The following EPB41L5 variants were observed in gnomAD, a reference collection of about 807,000 sequenced individuals.
EPB41L5 encodes the protein band 4.1-like protein 5.
EPB41L5 carries 55 observed loss-of-function variants against 106.6 expected under a neutral mutation model. That is an observed-to-expected ratio of 0.52 (90% CI 0.42 to 0.65). EPB41L5 has a LOEUF of 0.65. Among genes scored for constraint, EPB41L5 ranks in the 30% least tolerant of loss-of-function variants. EPB41L5 has a pLI of 0.00. For synonymous variants in EPB41L5, 297 were observed against 306.7 expected (o/e 0.97, Z 0.33); for missense variants, 871 against 882.1 (o/e 0.99, Z 0.16).
chr2:120,153,326 C>T (rs952895411), intron 20 of EPB41L5, among the ~76,000 whole-genome samples: 1 of 151,900 alleles, frequency 6.6e-6, no homozygotes, highest in African/African-American at 2.4e-5. Context: ...TAATTTCATT[C>T]ATTATGGTAA....
intron 3 of EPB41L5, among the ~76,000 whole-genome samples, chr2:120,071,671 A>C (rs910190047): frequency 6.6e-6 from 1 of 152,210 alleles, no homozygotes; most frequent in African/African-American, 2.4e-5. Flanking sequence ...AAAAACAAGC[A>C]ATAGGGAAAG....
At chr2:120,170,249 A>G (rs1428000436) in intron 24 of EPB41L5, among the ~76,000 whole-genome samples, 1 of 152,272 alleles carries the variant, frequency 6.6e-6, no homozygotes, top group African/African-American at 2.4e-5. Context: ...ACTTCTGTGC[A>G]ACAACTTACC....
At chr2:120,084,276 C>T (rs959517013) in intron 10 of EPB41L5, among the ~76,000 whole-genome samples, 2 of 152,264 alleles carry the variant, frequency 1.3e-5, no homozygotes, top group African/African-American at 4.8e-5. Flanking sequence ...TTGTTCCTTT[C>T]CGTGTTTAGT....
At chr2:120,139,711 C>T (rs1686087515) in intron 18 of EPB41L5, among the ~76,000 whole-genome samples, 3 of 151,930 alleles carry the variant, frequency 2.0e-5, no homozygotes, top group Non-Finnish European at 4.4e-5. Context: ...GAGAAAGGAA[C>T]CCTTGTACAC....
chr2:120,058,243 T>A lies in EPB41L5; in HGVS notation c.286-14935T>A, dbSNP rs1191107582. On this transcript the variant is annotated intron_variant, in intron 3 of 24. Transcript: ENST00000263713. ...TGTGTCTGCCCAGGCTGGAGTGCAG[T>A]GGCATGATCAGAGCTCACTGTAGCC... 2.0e-5 allele frequency among the ~76,000 whole-genome samples: 3 copies of A among 152,154 alleles called. No individual in the cohort carries two copies. In the East Asian group the frequency reaches 5.8e-4, roughly 29 times the overall value.
chr2:120,055,024 G>T (rs554476291), intron 3 of EPB41L5, among the ~76,000 whole-genome samples: 8 of 151,634 alleles, frequency 5.3e-5, no homozygotes, highest in African/African-American at 1.9e-4. Flanking sequence ...GCACCACCAT[G>T]CCCAGCTAAT....
At chr2:120,057,919 C>T (rs1680766238) in intron 3 of EPB41L5, among the ~76,000 whole-genome samples, 1 of 151,920 alleles carries the variant, frequency 6.6e-6, no homozygotes, top group South Asian at 2.1e-4. Context: ...TAGGTTGGTA[C>T]AATAAGACTT....
At chr2:120,164,458 C>T (rs1230995493) in intron 21 of EPB41L5, among the ~76,000 whole-genome samples, 1 of 152,092 alleles carries the variant, frequency 6.6e-6, no homozygotes, top group Admixed American at 6.5e-5. Context: ...GGGATCCTCC[C>T]GCCTTGGCCT....
At position 120,077,236 on chromosome 2, in the gene EPB41L5, A is replaced by T. The variant is rs371325974; in HGVS notation, c.634A>T (p.Thr212Ser). ...FEKWKEYRGQ[T>S]PAQAETNYLN... is the part of the protein sequence containing the mutation. ...CATTGTTTTAAATTTCAGAGGTCAA[A>T]CACCAGCACAGGCTGAAACCAATTA... Residue 212 changes from threonine to serine, a missense_variant, in exon 9 of 25, where the codon ACA (threonine) becomes TCA (serine). Transcript: ENST00000263713. The T allele has an allele frequency of 2.5e-6, 4 of 1,608,042 alleles. No individual in the cohort carries two copies. In the African/African-American group the frequency reaches 5.3e-5, roughly 22 times the overall value.
intron 3 of EPB41L5, among the ~76,000 whole-genome samples, chr2:120,069,688 G>A (rs1681722593): frequency 6.6e-6 from 1 of 152,126 alleles, no homozygotes; most frequent in South Asian, 2.1e-4. Flanking sequence ...CAACTACATG[G>A]GAACTGAACA....
At chr2:120,073,678 A>G (rs903321799) in intron 4 of EPB41L5, among the ~76,000 whole-genome samples, 5 of 152,232 alleles carry the variant, frequency 3.3e-5, no homozygotes, top group African/African-American at 1.2e-4. Context: ...CAGACTTATT[A>G]GGGCACCTCA....
intron 24 of EPB41L5, among the ~76,000 whole-genome samples, chr2:120,168,441 T>G (rs1329502980): frequency 1.3e-5 from 2 of 152,208 alleles, no homozygotes; most frequent in Non-Finnish European, 2.9e-5. Context: ...ATACATGTTG[T>G]GAGCTCATTT....
In EPB41L5 at chr2:120,131,707, A is replaced by G. The variant is rs151036306; in HGVS notation, c.1591A>G (p.Asn531Asp). Residue 531 changes from asparagine to aspartate, a missense_variant, in exon 18 of 25, where the codon AAC (asparagine) becomes GAC (aspartate). Physicochemically the swap from Asn to Asp is conservative, Grantham distance 23 (BLOSUM62 1). Transcript: ENST00000263713. ...SPRSNIDVNI[N>D]SQEEVVKLTE... ...TCGATCCAACATCGATGTTAACATAAACAGCCAGGTATTCAGATTTCCCCT... is the reference window on the plus strand; with the variant it reads ...TCGATCCAACATCGATGTTAACATAGACAGCCAGGTATTCAGATTTCCCCT... 14 of 1,612,176 alleles carry G rather than the reference A, an allele frequency of 8.7e-6. No individual in the cohort carries two copies. In the East Asian group the frequency reaches 3.1e-4, roughly 36 times the overall value.
chr2:120,048,065 G>A (rs1679934924), intron 3 of EPB41L5, among the ~76,000 whole-genome samples: 1 of 152,192 alleles, frequency 6.6e-6, no homozygotes, highest in African/African-American at 2.4e-5. Context: ...CGGTTTGCCA[G>A]TATTTTATTG....
At chr2:120,109,111 A>G (rs1684605753) in intron 16 of EPB41L5, among the ~76,000 whole-genome samples, 1 of 152,120 alleles carries the variant, frequency 6.6e-6, no homozygotes, top group South Asian at 2.1e-4. Flanking sequence ...GCCACTTATC[A>G]TTATGCCTTT....
chr2:120,171,540 A>G (rs1192698592), intron 24 of EPB41L5, among the ~76,000 whole-genome samples: 4 of 152,350 alleles, frequency 2.6e-5, no homozygotes, highest in Middle Eastern at 3.4e-3. Context: ...CAAAGTCCAC[A>G]CACTGAAGGG....
At chr2:120,135,575 T>C (rs575344115) in intron 18 of EPB41L5, among the ~76,000 whole-genome samples, 6 of 152,122 alleles carry the variant, frequency 3.9e-5, no homozygotes, top group African/African-American at 1.4e-4. Flanking sequence ...AAGGGAAATG[T>C]CAGTGTTAAA....
intron 16 of EPB41L5, among the ~76,000 whole-genome samples, chr2:120,110,161 C>A (rs1276076974): frequency 6.6e-6 from 1 of 152,192 alleles, no homozygotes; most frequent in Non-Finnish European, 1.5e-5. Flanking sequence ...TCCCACAGTC[C>A]ATCTTTTAGT....
chr2:120,087,321 T>TA, intron 11 of EPB41L5, 81 bp downstream of exon 11: 1 of 822,618 alleles, frequency 1.2e-6, no homozygotes, highest in Non-Finnish European at 2.0e-6. Flanking sequence ...AGAGGGAATG[T>TA]ACCTCATTGT....
Sources: allele counts gnomAD v4.1 joint callset (sites outside exome capture counted in the v4.1 genomes callset), GRCh38; gene constraint gnomAD v4.1.1; transcripts MANE v1.5; gene names NCBI Gene and HGNC (gene_info 2026-07-23, HGNC 2026-07-21).